PDE4D: variants seen among roughly 807,000 people sequenced by gnomAD.
PDE4D encodes the protein phosphodiesterase 4D.
A neutral mutation model predicts 87.4 loss-of-function variants in PDE4D; 24 were observed. The ratio of observed to expected loss-of-function variants is 0.27; its 90% CI spans 0.20 to 0.39. PDE4D has a LOEUF of 0.39. PDE4D is among the 10% of genes least tolerant of loss of function. The pLI is 1.00. For missense variants in PDE4D, 714 were observed against 1,041.0 expected (o/e 0.69, Z 4.32); for synonymous variants, 384 against 383.2 (o/e 1.00, Z -0.02).
At chr5:60,342,784 G>A (rs1758418712) in intron 1 of PDE4D, among the ~76,000 whole-genome samples, 1 of 152,034 alleles carries the variant, frequency 6.6e-6, no homozygotes, top group South Asian at 2.1e-4. Flanking sequence ...AATTCCCAAG[G>A]GCTCAGCAAA....
At chr5:60,245,063 A>C (rs1747596684) in intron 1 of PDE4D, among the ~76,000 whole-genome samples, 1 of 152,014 alleles carries the variant, frequency 6.6e-6, no homozygotes, top group African/African-American at 2.4e-5. Flanking sequence ...GGGATTAATA[A>C]CCAGAACATA....
chr5:59,691,283 C>T (rs1195548097), intron 1 of PDE4D, among the ~76,000 whole-genome samples: 12 of 152,028 alleles, frequency 7.9e-5, no homozygotes, highest in Non-Finnish European at 1.8e-4. Flanking sequence ...ATGTTTATTG[C>T]AGCACTATTC....
At chr5:59,229,341 T>A (rs1346240351) in intron 1 of PDE4D, among the ~76,000 whole-genome samples, 2 of 152,300 alleles carry the variant, frequency 1.3e-5, no homozygotes, top group South Asian at 2.1e-4. Context: ...TTCATAACTA[T>A]TTTTTAATTT....
intron 1 of PDE4D, among the ~76,000 whole-genome samples, chr5:60,274,181 A>G (rs979328998): frequency 6.6e-6 from 1 of 152,186 alleles, no homozygotes; most frequent in Non-Finnish European, 1.5e-5. Flanking sequence ...GGGGTAGAGA[A>G]AAACAAGATG....
intron 1 of PDE4D, among the ~76,000 whole-genome samples, chr5:60,454,433 A>C (rs1746317519): frequency 6.6e-6 from 1 of 152,222 alleles, no homozygotes; most frequent in African/African-American, 2.4e-5. Context: ...AATAAAGAAA[A>C]TGTGGTACAT....
At chr5:59,384,303 G>GTAGA (rs1786523708) in intron 1 of PDE4D, among the ~76,000 whole-genome samples, 1 of 152,174 alleles carries the variant, frequency 6.6e-6, no homozygotes, top group Non-Finnish European at 1.5e-5. Flanking sequence ...CAGGACACAT[G>GTAGA]TAGATGCACT....
intron 1 of PDE4D, among the ~76,000 whole-genome samples, chr5:60,511,590 C>T (rs1377317844): frequency 3.3e-5 from 5 of 151,276 alleles, no homozygotes; most frequent in East Asian, 3.9e-4. Flanking sequence ...TTTCCCACTT[C>T]GTTTATTCTT....
At chr5:59,344,129 G>A (rs555392081) in intron 1 of PDE4D, among the ~76,000 whole-genome samples, 8 of 152,180 alleles carry the variant, frequency 5.3e-5, no homozygotes, top group South Asian at 2.1e-4. Context: ...GATACTAAAC[G>A]TTTTATGGGG....
At chr5:59,821,530 T>G (rs1769673416) in intron 1 of PDE4D, among the ~76,000 whole-genome samples, 2 of 152,258 alleles carry the variant, frequency 1.3e-5, no homozygotes, top group South Asian at 4.1e-4. Context: ...TAATAGTTTT[T>G]GGATGTGTAC....
intron 1 of PDE4D, among the ~76,000 whole-genome samples, chr5:59,762,674 G>A (rs1412651979): frequency 6.7e-6 from 1 of 148,280 alleles, no homozygotes; most frequent in African/African-American, 2.5e-5. Context: ...GTACGTATGT[G>A]TATATGTGTA....
intron 1 of PDE4D, among the ~76,000 whole-genome samples, chr5:60,421,730 T>TAATA (rs770729915): frequency 2.8e-4 from 42 of 152,200 alleles, no homozygotes; most frequent in Non-Finnish European, 4.6e-4. Context: ...AGAAGGATGG[T>TAATA]AATAACAAAC....
At chr5:59,913,238 T>C (rs1363353416) in intron 3 of PDE4D, among the ~76,000 whole-genome samples, 2 of 152,236 alleles carry the variant, frequency 1.3e-5, no homozygotes, top group Non-Finnish European at 2.9e-5. Flanking sequence ...TTCAGAAATC[T>C]GTGGTCAAGA....
chr5:59,825,666 C>T (rs2152692321), intron 1 of PDE4D, among the ~76,000 whole-genome samples: 1 of 152,284 alleles, frequency 6.6e-6, no homozygotes, highest in East Asian at 1.9e-4. Context: ...CTGTATCCAT[C>T]CATAAAGCTA....
intron 11 of PDE4D, among the ~76,000 whole-genome samples, chr5:58,979,929 TC>T (rs1281114766): frequency 6.6e-6 from 1 of 152,218 alleles, no homozygotes; most frequent in Non-Finnish European, 1.5e-5. Flanking sequence ...TGTTTGGTTA[TC>T]TGGCTTCCCC....
intron 6 of PDE4D, among the ~76,000 whole-genome samples, chr5:59,020,324 A>G (rs1754882541): frequency 6.6e-6 from 1 of 151,810 alleles, no homozygotes; most frequent in South Asian, 2.1e-4. Context: ...AAAACACAAA[A>G]AACAGCTGGG....
At chr5:59,716,646 C>T (rs553441325) in intron 1 of PDE4D, among the ~76,000 whole-genome samples, 17 of 152,316 alleles carry the variant, frequency 1.1e-4, no homozygotes, top group African/African-American at 4.1e-4. Context: ...AGAATATTCA[C>T]AGTAGTACTC....
At chr5:60,330,707 A>G (rs1032357244) in intron 1 of PDE4D, among the ~76,000 whole-genome samples, 1 of 152,244 alleles carries the variant, frequency 6.6e-6, no homozygotes, top group Non-Finnish European at 1.5e-5. Flanking sequence ...TTAAGTAAGA[A>G]AAGAAAAACA....
chr5:59,005,090 G>A (rs957238792), intron 6 of PDE4D, among the ~76,000 whole-genome samples: 3 of 152,152 alleles, frequency 2.0e-5, no homozygotes, highest in Admixed American at 6.5e-5. Context: ...GAAAGGACAA[G>A]GGTTTTCACC....
intron 1 of PDE4D, among the ~76,000 whole-genome samples, chr5:59,465,491 T>C (rs1166562828): frequency 6.6e-6 from 1 of 152,232 alleles, no homozygotes; most frequent in Non-Finnish European, 1.5e-5. Context: ...CTCCTGGTAC[T>C]GTGTATATTT....
Sources: gnomAD v4.1 joint callset for allele counts (sites outside exome capture counted in the v4.1 genomes callset) on GRCh38, gnomAD v4.1.1 for gene constraint, MANE v1.5 for transcripts, NCBI Gene and HGNC (gene_info 2026-07-23, HGNC 2026-07-21) for gene names.